Variants in PLEKHH2 observed in about 807,000 individuals in gnomAD.
PLEKHH2 encodes the protein pleckstrin homology domain-containing family H member 2.
In PLEKHH2, 129 loss-of-function variants were observed where a neutral mutation model predicts 187.9. The observed-to-expected ratio is 0.69, with a 90% CI of 0.59 to 0.79. The LOEUF (loss-of-function observed/expected upper bound fraction) is 0.79. Among genes scored for constraint, PLEKHH2 ranks in the 30% least tolerant of loss-of-function variants. PLEKHH2 has a pLI of 0.00. For synonymous variants in PLEKHH2, 686 were observed against 605.6 expected, an observed-to-expected ratio of 1.13 and a Z score of -1.95; for missense variants, 2,076 against 1,751.2, an observed-to-expected ratio of 1.19 and a Z score of -3.31.
At chr2:43,761,780 G>T (rs1305255621) in intron 27 of PLEKHH2, among the ~76,000 whole-genome samples, 1 of 152,026 alleles carries the variant, frequency 6.6e-6, no homozygotes, top group Non-Finnish European at 1.5e-5. Context: ...TGATTACACA[G>T]TTTCATATTT....
At chr2:43,652,274 T>C (rs1477131379) in intron 2 of PLEKHH2, among the ~76,000 whole-genome samples, 2 of 152,240 alleles carry the variant, frequency 1.3e-5, no homozygotes, top group African/African-American at 4.8e-5. Context: ...CCACAGATTT[T>C]ACATTAATAC....
chr2:43,677,831 A>ACCCC (rs1268272260), intron 2 of PLEKHH2, among the ~76,000 whole-genome samples: 1 of 124,544 alleles, frequency 8.0e-6, no homozygotes, highest in Non-Finnish European at 1.7e-5. Context: ...CGGGGGGCTG[A>ACCCC]CCCCCCCCCA....
At chr2:43,756,699 A>G (rs1193770025) in intron 25 of PLEKHH2, among the ~76,000 whole-genome samples, 1 of 152,176 alleles carries the variant, frequency 6.6e-6, no homozygotes, top group African/African-American at 2.4e-5. Context: ...TGCAATCCCA[A>G]CACTTTGGTA....
At chr2:43,760,010 A>C (rs2104626322) in intron 27 of PLEKHH2, among the ~76,000 whole-genome samples, 2 of 152,366 alleles carry the variant, frequency 1.3e-5, no homozygotes, top group South Asian at 4.1e-4. Context: ...TAATTAAGAA[A>C]AAGATGATAA....
In PLEKHH2 at chr2:43,767,208, T is replaced by C. The variant is rs918190017; in HGVS notation, c.*1610T>C. On this transcript the variant is annotated 3_prime_UTR_variant, in exon 30 of 30. Transcript: ENST00000282406. ...CACTTTGTCATTTTTTTTAACCAAT[T>C]TGAGAAATGTTAGCTGCTGAATTAA... 3 of 152,328 alleles carry C rather than the reference T, an allele frequency of 2.0e-5. No individual in the cohort carries two copies. The East Asian group carries it at 5.7e-4, about 29-fold the overall frequency. 9.4% of individuals were successfully genotyped at this position (152,328 alleles called of 1,614,324 possible).
intron 16 of PLEKHH2, 146 bp from the exon 17 acceptor site, chr2:43,726,124 CAA>C (rs3066315): frequency 0.44 from 197,837 of 454,190 alleles, 20,915 homozygotes; most frequent in African/African-American, 0.66. Context: ...AACCCTGTCT[CAA>C]AAAAAAAAAA....
intron 2 of PLEKHH2, among the ~76,000 whole-genome samples, chr2:43,648,844 T>C (rs1666325026): frequency 6.6e-6 from 1 of 152,146 alleles, no homozygotes; most frequent in South Asian, 2.1e-4. Context: ...CCTCCCAAAG[T>C]GCTGGGATTA....
chr2:43,669,032 CA>C (rs1553332416), intron 2 of PLEKHH2, among the ~76,000 whole-genome samples: 1 of 152,162 alleles, frequency 6.6e-6, no homozygotes, highest in Non-Finnish European at 1.5e-5. Flanking sequence ...AGCAGTGCAG[CA>C]GAGAGCTCCA....
At chr2:43,711,700 G>C in intron 14 of PLEKHH2, 1 of 512,712 alleles carries the variant, frequency 2.0e-6, no homozygotes, top group Non-Finnish European at 2.5e-6. Context: ...GACCATCCTG[G>C]CTAACACGGT....
chr2:43,651,533 A>G (rs909479595), intron 2 of PLEKHH2, among the ~76,000 whole-genome samples: 2 of 152,212 alleles, frequency 1.3e-5, no homozygotes, highest in African/African-American at 2.4e-5. Context: ...AAGGACAGAA[A>G]TCAAGACAAA....
chr2:43,707,467 T>G lies in PLEKHH2; in HGVS notation c.1888T>G (p.Ser630Ala). Residue 630 changes from serine to alanine, a missense_variant, in exon 11 of 30, where the codon TCC (serine) becomes GCC (alanine). By Grantham distance (99) the Ser-to-Ala change is moderately conservative. Transcript: ENST00000282406. ...DSSGSEEEDS[S>A]RSSSRTSESD... is the part of the protein sequence containing the mutation. ...ATCTGGGTCAGAGGAAGAAGACAGC[T>G]CCAGATCCAGCTCCCGGACGTCAGA... 6.2e-7 allele frequency: 1 copy of G among 1,614,020 alleles called. No homozygotes were observed.
chr2:43,653,507 C>G (rs945670985), intron 2 of PLEKHH2, among the ~76,000 whole-genome samples: 18 of 152,198 alleles, frequency 1.2e-4, no homozygotes, highest in African/African-American at 3.4e-4. Context: ...CATGTAACTT[C>G]TCTGAGGACT....
chr2:43,706,214 T>A, intron 9 of PLEKHH2, 108 bp from the exon 10 acceptor site: 3 of 784,780 alleles, frequency 3.8e-6, no homozygotes, highest in Non-Finnish European at 6.6e-6. Context: ...CATGTATTAA[T>A]CGAATTGCTT....
intron 1 of PLEKHH2, among the ~76,000 whole-genome samples, chr2:43,638,292 C>G (rs898316335): frequency 1.3e-5 from 2 of 151,424 alleles, no homozygotes; most frequent in African/African-American, 4.9e-5. Context: ...CACACACTCA[C>G]ACACACGATT....
intron 1 of PLEKHH2, among the ~76,000 whole-genome samples, chr2:43,643,175 A>G (rs1050218352): frequency 1.3e-5 from 2 of 152,150 alleles, no homozygotes; most frequent in Non-Finnish European, 2.9e-5. Flanking sequence ...AAATGCTAAT[A>G]TGGGTAATGG....
intron 7 of PLEKHH2, among the ~76,000 whole-genome samples, chr2:43,698,087 C>G (rs1195103914): frequency 6.6e-6 from 1 of 152,200 alleles, no homozygotes; most frequent in African/African-American, 2.4e-5. Context: ...ATCCTCTCTA[C>G]TTTCAGCTCC....
chr2:43,710,163 C>A, intron 12 of PLEKHH2, 37 bp downstream of exon 12: 1 of 1,610,168 alleles, frequency 6.2e-7, no homozygotes, highest in South Asian at 1.1e-5. Context: ...AGCAGTCAGT[C>A]AGATTGAGCC....
At chr2:43,764,147 T>A in intron 28 of PLEKHH2, 81 bp from the exon 29 acceptor site, 1 of 818,252 alleles carries the variant, frequency 1.2e-6, no homozygotes, top group Non-Finnish European at 1.7e-6. Flanking sequence ...TGCCTTTTAA[T>A]GGAGATATAT....
At position 43,741,058 on chromosome 2, in the gene PLEKHH2, A is replaced by ATGTG. The variant is rs753049478; in HGVS notation, c.3221+15_3221+16insTGTG. The ATGTG allele has an allele frequency of 1.9e-6, 3 of 1,592,640 alleles. No individual in the cohort carries two copies. Among genetic ancestry groups the ATGTG allele is most frequent in the Non-Finnish European group, 2.6e-6 (3 of 1,161,156 alleles). On this transcript the variant is annotated intron_variant, in intron 21 of 29. Coordinates refer to ENST00000282406, the MANE Select transcript of PLEKHH2 (RefSeq NM_172069.4). The stretch of plus-strand genomic sequence containing the variant: ...GCAGATTCCAGGTGTGCAGAATACT[A>ATGTG]GCCAGCTGAACTGTTTATGTGGCCT...
Sources: allele counts gnomAD v4.1 joint callset (sites outside exome capture counted in the v4.1 genomes callset), GRCh38; gene constraint gnomAD v4.1.1; transcripts MANE v1.5; gene names NCBI Gene and HGNC (gene_info 2026-07-23, HGNC 2026-07-21).